SUN1: variants seen among roughly 807,000 people sequenced by gnomAD.
The protein encoded by SUN1 is SUN domain-containing protein 1.
A neutral mutation model predicts 103.2 loss-of-function variants in SUN1; 61 were observed. That is an observed-to-expected ratio of 0.59 (90% CI 0.48 to 0.73). The LOEUF is 0.73. SUN1 is among the 30% of genes least tolerant of loss of function. SUN1 has a pLI of 0.00. For synonymous variants in SUN1, 490 were observed against 425.7 expected (o/e 1.15, Z -1.86); for missense variants, 1,052 against 1,034.6 (o/e 1.02, Z -0.23).
intron 13 of SUN1, among the ~76,000 whole-genome samples, chr7:859,009 C>T (rs1309348912): frequency 2.6e-5 from 4 of 151,970 alleles, no homozygotes; most frequent in East Asian, 1.9e-4. Context: ...CAAAATTAGC[C>T]GGGTGTGGTG....
At chr7:840,639 CTTT>C (rs540064618) in intron 2 of SUN1, among the ~76,000 whole-genome samples, 4 of 127,776 alleles carry the variant, frequency 3.1e-5, no homozygotes, top group African/African-American at 6.0e-5. Flanking sequence ...ACCATCTATT[CTTT>C]TTTTTTTTTT....
intron 2 of SUN1, 101 bp from the exon 3 acceptor site, chr7:841,845 A>G: frequency 3.9e-6 from 5 of 1,295,690 alleles, no homozygotes; most frequent in Non-Finnish European, 5.3e-6. Flanking sequence ...TTGCCTTAAA[A>G]TGCTGTTTAT....
At chr7:818,280 A>G (rs1782744758) in intron 1 of SUN1, among the ~76,000 whole-genome samples, 1 of 152,212 alleles carries the variant, frequency 6.6e-6, no homozygotes, top group Non-Finnish European at 1.5e-5. Context: ...TGTAAATGGA[A>G]TCATACAATA....
intron 13 of SUN1, 59 bp downstream of exon 13, chr7:858,016 T>C: frequency 6.7e-7 from 1 of 1,490,098 alleles, no homozygotes. Flanking sequence ...AAAACTTGAA[T>C]TGATGACTTA....
chr7:849,658 C>T (rs1260238222), intron 5 of SUN1: 7 of 1,514,528 alleles, frequency 4.6e-6, no homozygotes, highest in Non-Finnish European at 6.3e-6. Context: ...GTCCCACACG[C>T]TGTCATGTTG....
rs542221780 is a variant in SUN1, at chr7:824,902, G to A, written c.-74+8229G>A. On this transcript the variant is annotated intron_variant, in intron 1 of 17. Coordinates refer to the SUN1 transcript ENST00000389574. Reference sequence around the variant, plus strand: ...CTGGCTGGGTGCTCCAGGGGTGCTCGGAGGAGCAGCTTCTGTTTCTAGCCC... The same window carrying A: ...CTGGCTGGGTGCTCCAGGGGTGCTCAGAGGAGCAGCTTCTGTTTCTAGCCC... Among the ~76,000 whole-genome samples the A allele has an allele frequency of 5.8e-4, 89 of 152,252 alleles. 3 individuals carry two copies. In the East Asian group the frequency reaches 0.011, roughly 18 times the overall value.
chr7:872,834 A>G lies in SUN1; in HGVS notation c.2241+272A>G, dbSNP rs531105374. On this transcript the variant is annotated intron_variant, in intron 18 of 18. Coordinates refer to ENST00000401592, the MANE Select transcript of SUN1 (RefSeq NM_001130965.3). ...CTGGGCGTGGTGGCTCACGTCTGTAATCCCAGCACTTTGCGGGGCCGAGGC... is the reference window on the plus strand; with the variant it reads ...CTGGGCGTGGTGGCTCACGTCTGTAGTCCCAGCACTTTGCGGGGCCGAGGC... Among the ~76,000 whole-genome samples the G allele has an allele frequency of 2.8e-3, 420 of 152,320 alleles. 1 individual carries two copies. The highest frequency in any genetic ancestry group is 4.5e-3 in the Non-Finnish European group (304 of 68,020).
At chr7:853,320 C>G in intron 9 of SUN1, 89 bp from the exon 10 acceptor site, 1 of 1,474,126 alleles carries the variant, frequency 6.8e-7, no homozygotes, top group Non-Finnish European at 9.4e-7. Context: ...GAGCTGGCGT[C>G]TTGCTGTAGG....
chr7:872,336 G>T, intron 17 of SUN1, 134 bp from the exon 18 acceptor site: 1 of 708,170 alleles, frequency 1.4e-6, no homozygotes, highest in Non-Finnish European at 2.4e-6. Context: ...GACTGCCATG[G>T]AGGAATGACC....
At chr7:834,008 A>T (rs912280917) in intron 1 of SUN1, among the ~76,000 whole-genome samples, 1 of 152,044 alleles carries the variant, frequency 6.6e-6, no homozygotes, top group Admixed American at 6.6e-5. Context: ...CTGTGGGCAG[A>T]CCTCTGTGGC....
intron 1 of SUN1, among the ~76,000 whole-genome samples, chr7:821,158 CTTTTTTTTTTTTT>C (rs71546461): frequency 4.3e-5 from 3 of 68,998 alleles, no homozygotes; most frequent in East Asian, 3.7e-4. Flanking sequence ...TTCAGCACAT[CTTTTTTTTTTTTT>C]TTTTTTTTTT....
rs533204701 is a variant in SUN1 at position 843,819 on chromosome 7, C to G, written c.658+299C>G. On this transcript the variant is annotated intron_variant, in intron 5 of 18. Transcript: ENST00000401592. ...AAAACTACAGTCACTTTCAGATGCA[C>G]ACCTTTATTTTTATAAAACGGCACA... The G allele has an allele frequency of 4.0e-5, 56 of 1,406,602 alleles. 2 individuals are homozygous for G. In the South Asian group the frequency reaches 6.4e-4, roughly 16 times the overall value. The allele number at this position is 1,406,602 out of a possible 1,614,324, so 87.1% of individuals were successfully genotyped here. A position where few individuals can be genotyped will look rare whatever the true frequency, so the allele number is the denominator to read the frequency against.
intron 11 of SUN1, among the ~76,000 whole-genome samples, chr7:856,079 CAG>C (rs1269878256): frequency 6.6e-6 from 1 of 152,176 alleles, no homozygotes; most frequent in Non-Finnish European, 1.5e-5. Context: ...GGAGGTGTGA[CAG>C]GGAGCTGACT....
chr7:839,074 C>G (rs1050140145), intron 2 of SUN1, 88 bp downstream of exon 2: 12 of 1,328,342 alleles, frequency 9.0e-6, no homozygotes, highest in African/African-American at 3.0e-5. Flanking sequence ...AAGCCGCACC[C>G]TGTCTCGAGC....
Position 867,739 on chromosome 7 carries a change from T to C in SUN1, c.1981-1610T>C, listed in dbSNP as rs543145071. On this transcript the variant is annotated intron_variant, in intron 16 of 18. Coordinates refer to ENST00000401592, the MANE Select transcript of SUN1 (RefSeq NM_001130965.3). Reference sequence around the variant, plus strand: ...TTACAGAACATAGGGATAGCAGATATAAGGGACCAGCTCCCACCCCAGGAC... The same window carrying C: ...TTACAGAACATAGGGATAGCAGATACAAGGGACCAGCTCCCACCCCAGGAC... Among the ~76,000 whole-genome samples, 16 of 152,290 alleles carry C rather than the reference T, an allele frequency of 1.1e-4. No homozygotes were observed. In the South Asian group the frequency reaches 1.7e-3, roughly 16 times the overall value.
intron 1 of SUN1, among the ~76,000 whole-genome samples, chr7:838,068 C>T (rs1352737670): frequency 2.6e-5 from 4 of 152,170 alleles, no homozygotes; most frequent in Non-Finnish European, 5.9e-5. Context: ...TGGTCATGAA[C>T]GTATGACAGG....
intron 18 of SUN1, 49 bp from the exon 19 acceptor site, chr7:873,166 G>T: frequency 6.5e-7 from 1 of 1,532,994 alleles, no homozygotes; most frequent in East Asian, 2.2e-5. Context: ...TTGGACTTGG[G>T]GTTATTAATA....
At chr7:840,963 C>T (rs1450813740) in intron 2 of SUN1, among the ~76,000 whole-genome samples, 12 of 150,300 alleles carry the variant, frequency 8.0e-5, no homozygotes, top group Admixed American at 3.3e-4. Flanking sequence ...GACAGAGTTT[C>T]GCTTTTGTTG....
intron 17 of SUN1, among the ~76,000 whole-genome samples, 178 bp downstream of exon 17, chr7:869,694 G>C (rs1193635746): frequency 2.6e-5 from 4 of 152,126 alleles, no homozygotes; most frequent in Non-Finnish European, 4.4e-5. Context: ...CTTAGAAATG[G>C]CATATTACCT....
Sources: gnomAD v4.1 joint callset for allele counts (sites outside exome capture counted in the v4.1 genomes callset) on GRCh38, gnomAD v4.1.1 for gene constraint, MANE v1.5 for transcripts, NCBI Gene and HGNC (gene_info 2026-07-23, HGNC 2026-07-21) for gene names.